Variants in DNAJC15 observed in about 807,000 individuals in gnomAD.
The protein encoded by DNAJC15 is dnaJ homolog subfamily C member 15.
In DNAJC15, 27 loss-of-function variants were observed where a neutral mutation model predicts 22.4. That is an observed-to-expected ratio of 1.20 (90% CI 0.89 to 1.66). The LOEUF (loss-of-function observed/expected upper bound fraction) is 1.66, where lower values mean the gene tolerates loss of function less well. Ranked by LOEUF, DNAJC15 falls within the 40% of genes most tolerant of loss-of-function variation. The pLI is 0.00. For synonymous variants in DNAJC15, 79 were observed against 63.2 expected, an observed-to-expected ratio of 1.25 and a Z score of -1.19; for missense variants, 208 against 187.1, an observed-to-expected ratio of 1.11 and a Z score of -0.65.
chr13:43,071,314 C>T (rs573919105), intron 3 of DNAJC15, among the ~76,000 whole-genome samples: 2 of 152,236 alleles, frequency 1.3e-5, no homozygotes, highest in East Asian at 3.9e-4. Flanking sequence ...GAGCCTGGTA[C>T]CTGCGTTTCT....
chr13:43,068,482 G>A (rs10492656), intron 2 of DNAJC15, among the ~76,000 whole-genome samples: 2,606 of 152,052 alleles, frequency 0.017, 91 homozygotes, highest in East Asian at 0.11. Context: ...GTGTAGTATA[G>A]ATCATAAATA....
intron 4 of DNAJC15, among the ~76,000 whole-genome samples, chr13:43,083,736 C>T (rs1430381622): frequency 6.6e-6 from 1 of 152,060 alleles, no homozygotes; most frequent in Non-Finnish European, 1.5e-5. Context: ...GTTCATACCT[C>T]TGGTATGATG....
At chr13:43,034,810 T>G (rs2040422133) in intron 1 of DNAJC15, among the ~76,000 whole-genome samples, 1 of 152,198 alleles carries the variant, frequency 6.6e-6, no homozygotes, top group Non-Finnish European at 1.5e-5. Context: ...GGGGTTTTTT[T>G]GAGCACTTCC....
chr13:43,079,961 G>A (rs2040654100), intron 4 of DNAJC15, among the ~76,000 whole-genome samples: 1 of 152,124 alleles, frequency 6.6e-6, no homozygotes, highest in Non-Finnish European at 1.5e-5. Flanking sequence ...TTAAATGGGT[G>A]ACCCCAGTTT....
chr13:43,091,319 G>A (rs964268521), intron 5 of DNAJC15, among the ~76,000 whole-genome samples: 1 of 152,056 alleles, frequency 6.6e-6, no homozygotes, highest in Admixed American at 6.5e-5. Flanking sequence ...AACTCCTGAC[G>A]TCAGGTGTTC....
intron 3 of DNAJC15, among the ~76,000 whole-genome samples, chr13:43,074,156 ATTC>A (rs1383001221): frequency 6.6e-6 from 1 of 152,206 alleles, no homozygotes; most frequent in Non-Finnish European, 1.5e-5. Context: ...TGATAAATGT[ATTC>A]TTTTAAAACT....
intron 1 of DNAJC15, among the ~76,000 whole-genome samples, chr13:43,055,595 A>G (rs938804909): frequency 6.6e-6 from 1 of 152,158 alleles, no homozygotes; most frequent in African/African-American, 2.4e-5. Context: ...TTCATTTCTA[A>G]TTTAGCGTAT....
chr13:43,066,711 C>T (rs1475606639), intron 2 of DNAJC15, among the ~76,000 whole-genome samples: 2 of 152,148 alleles, frequency 1.3e-5, no homozygotes, highest in Admixed American at 6.5e-5. Flanking sequence ...CAAGCTCCGC[C>T]TCCCGGGTTC....
At chr13:43,061,564 C>T (rs7322463) in intron 1 of DNAJC15, among the ~76,000 whole-genome samples, 32,448 of 152,156 alleles carry the variant, frequency 0.21, 3,615 homozygotes, top group South Asian at 0.38. Context: ...GTGAGGAAAC[C>T]TCTTTCTGCC....
intron 1 of DNAJC15, among the ~76,000 whole-genome samples, chr13:43,065,183 C>G (rs1392358637): frequency 6.6e-6 from 1 of 152,158 alleles, no homozygotes; most frequent in Non-Finnish European, 1.5e-5. Context: ...AATTTTTACA[C>G]TGGTCTAGAA....
intron 1 of DNAJC15, among the ~76,000 whole-genome samples, chr13:43,064,127 T>C (rs1189023529): frequency 1.3e-5 from 2 of 152,200 alleles, no homozygotes; most frequent in African/African-American, 2.4e-5. Flanking sequence ...CTTGCTGTCA[T>C]TGCCTTGTGA....
At chr13:43,060,454 A>G (rs2040553196) in intron 1 of DNAJC15, among the ~76,000 whole-genome samples, 1 of 152,176 alleles carries the variant, frequency 6.6e-6, no homozygotes, top group Non-Finnish European at 1.5e-5. Flanking sequence ...TATCCAGGAC[A>G]TCCAATCAGA....
chr13:43,092,350 A>T, intron 5 of DNAJC15, among the ~76,000 whole-genome samples: 1 of 151,650 alleles, frequency 6.6e-6, no homozygotes, highest in Non-Finnish European at 1.5e-5. Flanking sequence ...TTTTATTTTC[A>T]GCCTTTTTGT....
chr13:43,097,720 C>T (rs2040746806), intron 5 of DNAJC15, among the ~76,000 whole-genome samples: 1 of 152,002 alleles, frequency 6.6e-6, no homozygotes, highest in Non-Finnish European at 1.5e-5. Context: ...GGGAGATCAC[C>T]TGAGGTCGGG....
intron 4 of DNAJC15, among the ~76,000 whole-genome samples, chr13:43,083,860 A>G (rs1251710146): frequency 2.6e-5 from 4 of 152,228 alleles, no homozygotes; most frequent in Non-Finnish European, 4.4e-5. Flanking sequence ...CTTCAAAGAC[A>G]TAGGTAAACA....
intron 5 of DNAJC15, among the ~76,000 whole-genome samples, chr13:43,087,194 G>A (rs796078309): frequency 1.8e-4 from 28 of 152,214 alleles, no homozygotes; most frequent in African/African-American, 5.3e-4. Flanking sequence ...TTGGATTATT[G>A]TTCCCTCTGA....
At chr13:43,057,475 A>G (rs540030364) in intron 1 of DNAJC15, among the ~76,000 whole-genome samples, 26 of 151,978 alleles carry the variant, frequency 1.7e-4, no homozygotes, top group Admixed American at 7.9e-4. Context: ...TATGGTATCT[A>G]TTTCTCTGGA....
intron 1 of DNAJC15, among the ~76,000 whole-genome samples, chr13:43,028,643 C>T (rs992909192): frequency 2.0e-5 from 3 of 152,202 alleles, no homozygotes; most frequent in African/African-American, 7.2e-5. Context: ...CCACATTTCA[C>T]ATCCCCTACA....
chr13:43,098,890 C>G (rs961820327), intron 5 of DNAJC15, among the ~76,000 whole-genome samples: 2 of 152,002 alleles, frequency 1.3e-5, no homozygotes, highest in Non-Finnish European at 2.9e-5. Context: ...CATAATAATT[C>G]CATATGAATT....
Sources: allele counts gnomAD v4.1 joint callset (sites outside exome capture counted in the v4.1 genomes callset), GRCh38; gene constraint gnomAD v4.1.1; transcripts MANE v1.5; gene names NCBI Gene and HGNC (gene_info 2026-07-23, HGNC 2026-07-21).